The following ADCY5 variants were observed in gnomAD, a reference collection of about 807,000 sequenced individuals.
The protein encoded by ADCY5 is adenylate cyclase 5, also known as adenylate cyclase type 5.
A neutral mutation model predicts 119.7 loss-of-function variants in ADCY5; 30 were observed. The ratio of observed to expected loss-of-function variants is 0.25; its 90% CI spans 0.19 to 0.34. The LOEUF is 0.34. Ranked by LOEUF, ADCY5 falls within the 10% of genes least tolerant of loss-of-function variation. ADCY5 has a pLI of 1.00. For missense variants in ADCY5, 1,324 were observed against 1,775.2 expected, an observed-to-expected ratio of 0.75 and a Z score of 4.57; for synonymous variants, 753 against 762.2, an observed-to-expected ratio of 0.99 and a Z score of 0.20.
chr3:123,394,081 G>A (rs910843068), intron 1 of ADCY5, among the ~76,000 whole-genome samples: 23 of 152,040 alleles, frequency 1.5e-4, no homozygotes, highest in Admixed American at 1.5e-3. Context: ...AGTGAGCCAA[G>A]ATCGTGCCAC....
chr3:123,303,897 A>AGAAGAGAAGAG (rs144372832), intron 13 of ADCY5, among the ~76,000 whole-genome samples, 170 bp downstream of exon 13: 17 of 147,342 alleles, frequency 1.2e-4, no homozygotes, highest in African/African-American at 4.3e-4. Flanking sequence ...AGAAGAGAAG[A>AGAAGAGAAGAG]AAGAACTTGT....
intron 1 of ADCY5, among the ~76,000 whole-genome samples, chr3:123,445,402 A>ATACC (rs567315162): frequency 8.7e-5 from 12 of 137,442 alleles, no homozygotes; most frequent in African/African-American, 2.8e-4. Context: ...AGGAGAAACC[A>ATACC]TACCTACAGC....
At chr3:123,351,469 G>A (rs1392248626) in intron 2 of ADCY5, among the ~76,000 whole-genome samples, 4 of 152,208 alleles carry the variant, frequency 2.6e-5, no homozygotes, top group Non-Finnish European at 4.4e-5. Context: ...CGCAGCATGC[G>A]GCACTTAGAT....
chr3:123,349,347 T>A (rs1344342315), intron 2 of ADCY5, among the ~76,000 whole-genome samples: 3 of 152,224 alleles, frequency 2.0e-5, no homozygotes, highest in Non-Finnish European at 4.4e-5. Context: ...GCAGGACCTG[T>A]CCAGCACTGA....
chr3:123,308,009 CT>C (rs557860579), intron 12 of ADCY5, among the ~76,000 whole-genome samples: 36,848 of 116,808 alleles, frequency 0.32, 6,048 homozygotes, highest in African/African-American at 0.47. Flanking sequence ...CCTCCATGCT[CT>C]TTTTTTTTTT....
intron 1 of ADCY5, among the ~76,000 whole-genome samples, chr3:123,436,509 C>T (rs756142632): frequency 1.3e-5 from 2 of 152,108 alleles, no homozygotes; most frequent in Non-Finnish European, 2.9e-5. Context: ...AGTTCGAGAC[C>T]AGCCTGGCCA....
At position 123,389,554 on chromosome 3, in the gene ADCY5, C is replaced by T. The variant is rs72966533; in HGVS notation, c.1135-36973G>A. Reference sequence around the variant, plus strand: ...GAGCACACACACATGCGCACACACACGTTCCACACCATGCTGGCCACTCCT... The same window carrying T: ...GAGCACACACACATGCGCACACACATGTTCCACACCATGCTGGCCACTCCT... On this transcript the variant is annotated intron_variant, in intron 1 of 20. Transcript: ENST00000462833. Among the ~76,000 whole-genome samples, 475 of 152,102 alleles carry T rather than the reference C, an allele frequency of 3.1e-3. 3 individuals are homozygous for T. The highest frequency in any genetic ancestry group is 0.011 in the African/African-American group (450 of 41,480).
intron 2 of ADCY5, among the ~76,000 whole-genome samples, chr3:123,349,177 G>A (rs4470442): frequency 0.41 from 62,753 of 151,960 alleles, 13,420 homozygotes; most frequent in Admixed American, 0.49. Flanking sequence ...AACCACACTC[G>A]CTTTCCCACA....
chr3:123,425,953 G>A (rs1945398413), intron 1 of ADCY5, among the ~76,000 whole-genome samples: 1 of 152,210 alleles, frequency 6.6e-6, no homozygotes, highest in African/African-American at 2.4e-5. Flanking sequence ...AAACATACAG[G>A]CAGTCCAGAG....
At chr3:123,383,857 G>GCACACA (rs1273129077) in intron 1 of ADCY5, among the ~76,000 whole-genome samples, 6 of 148,484 alleles carry the variant, frequency 4.0e-5, no homozygotes, top group Non-Finnish European at 7.5e-5. Context: ...CTCAAGGCAC[G>GCACACA]CACACACACA....
chr3:123,383,487 T>C (rs992516444), intron 1 of ADCY5, among the ~76,000 whole-genome samples: 1 of 152,140 alleles, frequency 6.6e-6, no homozygotes, highest in Non-Finnish European at 1.5e-5. Context: ...CCTGGGAAAA[T>C]GTGAAGATGC....
intron 15 of ADCY5, among the ~76,000 whole-genome samples, chr3:123,298,526 G>A (rs948968843): frequency 2.0e-5 from 3 of 152,056 alleles, no homozygotes; most frequent in African/African-American, 7.2e-5. Flanking sequence ...CCATCTCTTT[G>A]TGGTCATCTG....
At chr3:123,395,045 G>A (rs1252022947) in intron 1 of ADCY5, among the ~76,000 whole-genome samples, 1 of 152,160 alleles carries the variant, frequency 6.6e-6, no homozygotes, top group African/African-American at 2.4e-5. Context: ...TGACCCTTTG[G>A]ACAGTCCCCA....
chr3:123,338,119 C>A (rs939002864), intron 3 of ADCY5, among the ~76,000 whole-genome samples: 1 of 145,294 alleles, frequency 6.9e-6, no homozygotes. Flanking sequence ...AGGAGCTCCA[C>A]GTGCCTTTGA....
At chr3:123,418,567 A>G (rs1268128505) in intron 1 of ADCY5, among the ~76,000 whole-genome samples, 1 of 152,152 alleles carries the variant, frequency 6.6e-6, no homozygotes, top group African/African-American at 2.4e-5. Context: ...CCCTGGCTTT[A>G]CAACAACTCA....
intron 1 of ADCY5, among the ~76,000 whole-genome samples, chr3:123,354,098 G>A (rs991341768): frequency 3.3e-5 from 5 of 152,076 alleles, no homozygotes; most frequent in Admixed American, 6.6e-5. Context: ...CCCCATCTAC[G>A]CTAGCATCCC....
At chr3:123,405,952 C>T (rs957221039) in intron 1 of ADCY5, among the ~76,000 whole-genome samples, 1 of 152,158 alleles carries the variant, frequency 6.6e-6, no homozygotes, top group Admixed American at 6.5e-5. Context: ...TTTTTCATCT[C>T]TGATACTTTG....
chr3:123,322,370 G>C (rs541726350), intron 8 of ADCY5, among the ~76,000 whole-genome samples: 1 of 152,334 alleles, frequency 6.6e-6, no homozygotes, highest in Admixed American at 6.5e-5. Flanking sequence ...GTCACCTGCT[G>C]AGGCTGGTGC....
rs35856404 is a variant in ADCY5, at chr3:123,298,830, C to CTTTTTTTTTTTTTTT, written c.2900+1275_2900+1289dup. ...TTTCTCAGGGGACACAAAACTGTCA[C>CTTTTTTTTTTTTTTT]TTTTTTTTTTTTTTTTGCACTTCTT... On this transcript the variant is annotated intron_variant, in intron 15 of 20. Coordinates refer to ENST00000462833, the MANE Select transcript of ADCY5 (RefSeq NM_183357.3). Among the ~76,000 whole-genome samples the CTTTTTTTTTTTTTTT allele has an allele frequency of 5.9e-5, 6 of 102,522 alleles. 1 individual carries two copies. The highest frequency in any genetic ancestry group is 7.6e-5 in the African/African-American group (2 of 26,214). 67.3% of individuals were successfully genotyped at this position (102,522 alleles called of 152,430 possible).
Sources: gnomAD v4.1 joint callset for allele counts (sites outside exome capture counted in the v4.1 genomes callset) on GRCh38, gnomAD v4.1.1 for gene constraint, MANE v1.5 for transcripts, NCBI Gene and HGNC (gene_info 2026-07-23, HGNC 2026-07-21) for gene names.